The following CDH4 variants were observed in gnomAD, a reference collection of about 807,000 sequenced individuals.
CDH4 encodes cadherin-4.
In CDH4, 33 loss-of-function variants were observed where a neutral mutation model predicts 86.0. The observed-to-expected ratio is 0.38, with a 90% CI of 0.29 to 0.51. The LOEUF is 0.51. CDH4 is among the 20% of genes least tolerant of loss of function. The pLI is 0.86. For missense variants in CDH4, 1,114 were observed against 1,307.4 expected, an observed-to-expected ratio of 0.85 and a Z score of 2.28; for synonymous variants, 555 against 549.4, an observed-to-expected ratio of 1.01 and a Z score of -0.14.
intron 2 of CDH4, among the ~76,000 whole-genome samples, chr20:61,444,337 C>T (rs1456510700): frequency 0.038 from 3,467 of 90,952 alleles, no homozygotes; most frequent in East Asian, 0.047. Context: ...GTGTGTTTCT[C>T]TGTGTGTGTC....
At chr20:61,895,824 C>T (rs1224667577) in intron 8 of CDH4, among the ~76,000 whole-genome samples, 1 of 152,230 alleles carries the variant, frequency 6.6e-6, no homozygotes, top group Non-Finnish European at 1.5e-5. Context: ...TCCCTGGGTC[C>T]ATGGGGTGTG....
chr20:61,782,577 G>C (rs1046191166), intron 4 of CDH4, among the ~76,000 whole-genome samples: 1 of 152,174 alleles, frequency 6.6e-6, no homozygotes, highest in Non-Finnish European at 1.5e-5. Flanking sequence ...TTGTATTAGG[G>C]AGTTTATAAT....
chr20:61,565,412 C>CTTGGTGATGGTGGTGGTGGTGGTGCTG (rs74195736), intron 2 of CDH4, among the ~76,000 whole-genome samples: 1 of 74,964 alleles, frequency 1.3e-5, no homozygotes, highest in Non-Finnish European at 2.9e-5. Context: ...TGGCGGTGCT[C>CTTGGTGATGGTGGTGGTGGTGGTGCTG]TTGCTATTGT....
intron 13 of CDH4, among the ~76,000 whole-genome samples, chr20:61,930,776 TTGTA>T (rs1437754829): frequency 2.6e-5 from 4 of 152,244 alleles, no homozygotes; most frequent in Non-Finnish European, 4.4e-5. Context: ...GTGGGCTTCT[TTGTA>T]TGATCAGGAG....
Position 61,810,136 on chromosome 20 carries a change from G to A in CDH4, c.577-34532G>A, listed in dbSNP as rs1001128395. On this transcript the variant is annotated intron_variant, in intron 4 of 15. Transcript: ENST00000614565. The surrounding 1 kb of genome is among the most constrained non-coding windows in gnomAD (Gnocchi z 4.3). ...ACGGGCCTCAGCCGGGGTGGGGTGG[G>A]GGGCACCTGAGCCTAGACCTGTTCT... Among the ~76,000 whole-genome samples, 2 of 152,186 alleles carry A rather than the reference G, an allele frequency of 1.3e-5. No homozygotes were observed. Among genetic ancestry groups the A allele is most frequent in the Non-Finnish European group, 2.9e-5 (2 of 68,024 alleles).
chr20:61,643,116 G>C (rs2087027987), intron 2 of CDH4, among the ~76,000 whole-genome samples: 1 of 152,210 alleles, frequency 6.6e-6, no homozygotes, highest in African/African-American at 2.4e-5. Flanking sequence ...TCTGGAGGCT[G>C]TGAAGTCCAA....
intron 2 of CDH4, among the ~76,000 whole-genome samples, chr20:61,551,605 T>G (rs1568889254): frequency 6.6e-6 from 1 of 152,170 alleles, no homozygotes; most frequent in Non-Finnish European, 1.5e-5. Flanking sequence ...CCACCTAACC[T>G]TATGCTTGTG....
At chr20:61,886,101 G>T (rs973543736) in intron 7 of CDH4, among the ~76,000 whole-genome samples, 2 of 152,206 alleles carry the variant, frequency 1.3e-5, no homozygotes, top group Non-Finnish European at 2.9e-5. Flanking sequence ...CCGCCTCTAG[G>T]TGCAGAGAGC....
rs1273168911 is a variant in CDH4 at position 61,427,226 on chromosome 20, C to T, written c.169+172289C>T. On this transcript the variant is annotated intron_variant, in intron 2 of 15. Coordinates refer to ENST00000614565, the MANE Select transcript of CDH4 (RefSeq NM_001794.5). The stretch of plus-strand genomic sequence containing the variant: ...CAGCGTTGCAGAGAGGACCTGTGCC[C>T]TGTGTGTGCAGGGAGCTGACCCTGC... Among the ~76,000 whole-genome samples, 3 of 152,162 alleles carry T rather than the reference C, an allele frequency of 2.0e-5. No individual in the cohort carries two copies. In the East Asian group the frequency reaches 5.8e-4, roughly 29 times the overall value.
intron 2 of CDH4, among the ~76,000 whole-genome samples, chr20:61,565,092 T>G (rs76196074): frequency 0.12 from 7,516 of 61,122 alleles, 379 homozygotes; most frequent in African/African-American, 0.22. Flanking sequence ...GGTGGTGCTC[T>G]TGGTGGTGCT....
intron 2 of CDH4, among the ~76,000 whole-genome samples, chr20:61,326,293 A>G (rs527247139): frequency 6.6e-6 from 1 of 152,210 alleles, no homozygotes; most frequent in Non-Finnish European, 1.5e-5. Flanking sequence ...GGATTGAGTG[A>G]CCTGTTTGAA....
chr20:61,552,668 C>G (rs2086141884), intron 2 of CDH4, among the ~76,000 whole-genome samples: 1 of 152,050 alleles, frequency 6.6e-6, no homozygotes, highest in African/African-American at 2.4e-5. Flanking sequence ...CCACGGTACT[C>G]CAGCCTGTGT....
At chr20:61,406,773 G>A (rs2085086421) in intron 2 of CDH4, among the ~76,000 whole-genome samples, 1 of 139,364 alleles carries the variant, frequency 7.2e-6, no homozygotes, top group Admixed American at 7.4e-5. Context: ...ACCACCATCT[G>A]CTCTGCCCAG....
chr20:61,577,490 C>T (rs752176544), intron 2 of CDH4, among the ~76,000 whole-genome samples: 1 of 152,024 alleles, frequency 6.6e-6, no homozygotes, highest in Non-Finnish European at 1.5e-5. Context: ...ATGCATAGAT[C>T]TTTTGCATGT....
intron 7 of CDH4, among the ~76,000 whole-genome samples, chr20:61,891,309 G>A (rs548571999): frequency 3.9e-5 from 6 of 152,290 alleles, no homozygotes; most frequent in Admixed American, 3.3e-4. Flanking sequence ...TTACAGAGGG[G>A]GCTGCCAAAT....
intron 2 of CDH4, among the ~76,000 whole-genome samples, chr20:61,520,858 T>C (rs753636051): frequency 2.0e-5 from 3 of 152,144 alleles, no homozygotes; most frequent in Non-Finnish European, 4.4e-5. Flanking sequence ...GGCAGGAAAA[T>C]GAAGGGAATA....
chr20:61,508,699 C>T (rs572628791), intron 2 of CDH4, among the ~76,000 whole-genome samples: 30 of 152,364 alleles, frequency 2.0e-4, no homozygotes, highest in African/African-American at 6.0e-4. Flanking sequence ...GAAGCCCAGG[C>T]GCTGCCCCAC....
intron 2 of CDH4, among the ~76,000 whole-genome samples, chr20:61,611,943 G>A (rs1289098505): frequency 6.6e-6 from 1 of 152,076 alleles, no homozygotes; most frequent in African/African-American, 2.4e-5. Flanking sequence ...GGGGATACGG[G>A]CGAGTCACCT....
At chr20:61,602,915 A>G (rs1385815156) in intron 2 of CDH4, among the ~76,000 whole-genome samples, 1 of 152,216 alleles carries the variant, frequency 6.6e-6, no homozygotes, top group East Asian at 1.9e-4. Flanking sequence ...CAGCGAATGG[A>G]GAGCCTTAGA....
Sources: allele counts gnomAD v4.1 joint callset (sites outside exome capture counted in the v4.1 genomes callset), GRCh38; gene constraint gnomAD v4.1.1; non-coding constraint Gnocchi (gnomAD v3.1); transcripts MANE v1.5; gene names NCBI Gene and HGNC (gene_info 2026-07-23, HGNC 2026-07-21).